CDH26: variants seen among roughly 807,000 people sequenced by gnomAD.
The protein encoded by CDH26 is cadherin-like protein 26.
CDH26 carries 83 observed loss-of-function variants against 90.3 expected under a neutral mutation model. The observed-to-expected ratio is 0.92, with a 90% CI of 0.77 to 1.10. CDH26 has a LOEUF of 1.10. Among genes scored for constraint, CDH26 ranks in the 50% least tolerant of loss-of-function variants. The probability of loss-of-function intolerance (pLI) is 0.00; values close to 1 mark genes in which losing one functional copy is unlikely to be tolerated. For synonymous variants in CDH26, 397 were observed against 396.3 expected (o/e 1.00, Z -0.02); for missense variants, 1,013 against 1,037.6 (o/e 0.98, Z 0.33).
At chr20:59,997,804 C>G (rs369086317) in intron 13 of CDH26, among the ~76,000 whole-genome samples, 3 of 152,364 alleles carry the variant, frequency 2.0e-5, no homozygotes, top group East Asian at 1.9e-4. Context: ...AAAAGATATT[C>G]CAATGAACTT....
intron 7 of CDH26, among the ~76,000 whole-genome samples, chr20:60,022,000 A>T (rs550598653): frequency 1.3e-5 from 2 of 151,338 alleles, no homozygotes; most frequent in South Asian, 4.2e-4. Flanking sequence ...TTTATGAAGT[A>T]CCCCTGGCAT....
At chr20:59,975,335 G>A (rs555965406) in intron 4 of CDH26, among the ~76,000 whole-genome samples, 1 of 152,112 alleles carries the variant, frequency 6.6e-6, no homozygotes, top group Non-Finnish European at 1.5e-5. Flanking sequence ...GCAGAGATTA[G>A]AGTGATGCCA....
chr20:60,031,417 C>A, exon 8 of CDH26: 1 of 1,165,160 alleles, frequency 8.6e-7, no homozygotes, highest in Non-Finnish European at 1.1e-6. Flanking sequence ...TGTTTATGAC[C>A]ACAAGGAAGG....
At chr20:59,973,989 G>A (rs2061296705) in intron 4 of CDH26, among the ~76,000 whole-genome samples, 1 of 152,194 alleles carries the variant, frequency 6.6e-6, no homozygotes, top group African/African-American at 2.4e-5. Flanking sequence ...CACAATGGTT[G>A]AAGTAATTTA....
intron 13 of CDH26, among the ~76,000 whole-genome samples, chr20:59,999,179 C>G (rs1358413353): frequency 6.6e-6 from 1 of 152,086 alleles, no homozygotes; most frequent in African/African-American, 2.4e-5. Context: ...AACCTGAGTC[C>G]CTCAGTGAAC....
intron 14 of CDH26, among the ~76,000 whole-genome samples, chr20:60,000,563 G>A (rs757304058): frequency 6.6e-6 from 1 of 152,182 alleles, no homozygotes; most frequent in Non-Finnish European, 1.5e-5. Context: ...TAGAGGTCTA[G>A]GTGTTGCCCT....
At chr20:60,027,788 G>C (rs965975539) in intron 7 of CDH26, among the ~76,000 whole-genome samples, 1 of 152,174 alleles carries the variant, frequency 6.6e-6, no homozygotes, top group Admixed American at 6.5e-5. Flanking sequence ...TACCAAGCTG[G>C]AAGACCTGAA....
At chr20:60,010,910 G>T (rs760277060) in intron 17 of CDH26, among the ~76,000 whole-genome samples, 1 of 152,234 alleles carries the variant, frequency 6.6e-6, no homozygotes, top group Non-Finnish European at 1.5e-5. Context: ...TGGAAATGGG[G>T]CTGGAGGACA....
At chr20:59,971,519 G>A (rs1438959701) in intron 3 of CDH26, among the ~76,000 whole-genome samples, 1 of 152,170 alleles carries the variant, frequency 6.6e-6, no homozygotes, top group African/African-American at 2.4e-5. Flanking sequence ...TAATAAATTG[G>A]TATGTGTGGT....
intron 1 of CDH26, among the ~76,000 whole-genome samples, chr20:59,963,274 A>G (rs1156642693): frequency 1.1e-5 from 1 of 92,144 alleles, no homozygotes; most frequent in Non-Finnish European, 2.2e-5. Context: ...TTTTTTTGGC[A>G]GGGTCTCACT....
At chr20:60,023,788 A>G (rs1375229609) in intron 7 of CDH26, among the ~76,000 whole-genome samples, 2 of 152,184 alleles carry the variant, frequency 1.3e-5, no homozygotes, top group Non-Finnish European at 2.9e-5. Context: ...TTCACAAACT[A>G]TATCAGTCGT....
chr20:59,963,515 A>G (rs1055921127), intron 1 of CDH26, among the ~76,000 whole-genome samples: 1 of 152,150 alleles, frequency 6.6e-6, no homozygotes, highest in African/African-American at 2.4e-5. Flanking sequence ...ATGCTTAACC[A>G]ATACTTTATA....
intron 7 of CDH26, 66 bp from the exon 8 acceptor site, chr20:59,987,387 T>C: frequency 7.5e-7 from 1 of 1,336,394 alleles, no homozygotes; most frequent in African/African-American, 1.5e-5. Context: ...CCCTCCTTCC[T>C]CTCTGCTTTC....
chr20:59,969,126 G>T (rs1373334001), intron 2 of CDH26, 103 bp downstream of exon 2: 6 of 698,412 alleles, frequency 8.6e-6, no homozygotes, highest in Admixed American at 4.4e-5. Flanking sequence ...GCCAATGTTT[G>T]GTTTGCAGAA....
chr20:59,960,036 G>A (rs2061047353), intron 1 of CDH26, among the ~76,000 whole-genome samples: 1 of 152,192 alleles, frequency 6.6e-6, no homozygotes. Flanking sequence ...GTAACTGTGA[G>A]CTCTGGACTG....
chr20:60,012,335 C>A (rs1342397182), intron 17 of CDH26, among the ~76,000 whole-genome samples, 192 bp from the exon 18 acceptor site: 2 of 152,138 alleles, frequency 1.3e-5, no homozygotes, highest in Non-Finnish European at 2.9e-5. Context: ...CCCTCTCAGA[C>A]TGTAAGGTGG....
chr20:59,998,806 A>C (rs972853582), intron 13 of CDH26, among the ~76,000 whole-genome samples: 3 of 152,160 alleles, frequency 2.0e-5, no homozygotes, highest in Non-Finnish European at 2.9e-5. Flanking sequence ...AACACATGTA[A>C]AATTTTCAGC....
intron 1 of CDH26, among the ~76,000 whole-genome samples, chr20:59,963,252 A>ATTTT (rs11086689): frequency 1.1e-4 from 14 of 122,922 alleles, no homozygotes; most frequent in South Asian, 2.7e-4. Context: ...GTAGATAAGG[A>ATTTT]TTTTTTTTTT....
At chr20:60,008,842 C>T (rs1424702689) in intron 17 of CDH26, among the ~76,000 whole-genome samples, 1 of 152,208 alleles carries the variant, frequency 6.6e-6, no homozygotes, top group East Asian at 1.9e-4. Context: ...CTGCCTGGCA[C>T]CTGCTTCAAG....
Sources: allele counts gnomAD v4.1 joint callset (sites outside exome capture counted in the v4.1 genomes callset), GRCh38; gene constraint gnomAD v4.1.1; transcripts MANE v1.5; gene names NCBI Gene and HGNC (gene_info 2026-07-23, HGNC 2026-07-21).